The following NF1 variants were observed in gnomAD, a reference collection of about 807,000 sequenced individuals.
NF1 encodes the protein neurofibromin 1.
In NF1, 122 loss-of-function variants were observed where a neutral mutation model predicts 325.7. The observed-to-expected ratio is 0.37, with a 90% CI of 0.32 to 0.44. The LOEUF (loss-of-function observed/expected upper bound fraction) is 0.44, where lower values mean the gene tolerates loss of function less well. NF1 is among the 20% of genes least tolerant of loss of function. The pLI is 1.00. For synonymous variants in NF1, 1,091 were observed against 1,186.0 expected (o/e 0.92, Z 1.65); for missense variants, 2,140 against 3,415.4 (o/e 0.63, Z 9.31).
chr17:31,245,908 G>A (rs1046501144), intron 29 of NF1, among the ~76,000 whole-genome samples: 5 of 152,024 alleles, frequency 3.3e-5, no homozygotes, highest in African/African-American at 1.2e-4. Context: ...CCCTCTAATC[G>A]AAACTTGGTC....
At chr17:31,214,338 A>G in intron 12 of NF1, 113 bp from the exon 13 acceptor site, 1 of 722,122 alleles carries the variant, frequency 1.4e-6, no homozygotes, top group East Asian at 2.7e-5. Flanking sequence ...CACATTTGGT[A>G]GTATAAAAAA....
intron 1 of NF1, among the ~76,000 whole-genome samples, chr17:31,143,249 A>G (rs1916356317): frequency 1.3e-5 from 2 of 151,784 alleles, no homozygotes; most frequent in South Asian, 2.1e-4. Flanking sequence ...AATCACACAC[A>G]CACACTCACA....
intron 20 of NF1, among the ~76,000 whole-genome samples, 176 bp downstream of exon 20, chr17:31,227,782 G>T (rs1404219647): frequency 1.3e-5 from 2 of 152,172 alleles, no homozygotes; most frequent in Non-Finnish European, 2.9e-5. Context: ...CTAGCTATGT[G>T]TGACTATTTA....
chr17:31,275,620 G>A (rs1006962083), intron 36 of NF1, among the ~76,000 whole-genome samples: 2 of 152,130 alleles, frequency 1.3e-5, no homozygotes, highest in Admixed American at 1.3e-4. Flanking sequence ...ATCCCTGAGG[G>A]GTCTTGGAAC....
intron 29 of NF1, among the ~76,000 whole-genome samples, chr17:31,236,501 G>A (rs1338807759): frequency 1.3e-5 from 2 of 152,026 alleles, no homozygotes. Context: ...GTGCACTGGC[G>A]CAGTCTCGGC....
intron 8 of NF1, among the ~76,000 whole-genome samples, chr17:31,196,948 C>G (rs957627833): frequency 6.6e-6 from 1 of 152,072 alleles, no homozygotes; most frequent in Non-Finnish European, 1.5e-5. Flanking sequence ...AGTAAGTTTT[C>G]AAATAAGAAA....
At chr17:31,236,158 CA>C (rs2067200589) in intron 29 of NF1, 137 bp downstream of exon 29, 2 of 652,432 alleles carry the variant, frequency 3.1e-6, no homozygotes, top group Non-Finnish European at 2.7e-6. Context: ...AAGTTATATA[CA>C]AATACACGTT....
chr17:31,188,845 C>G (rs919265284), intron 8 of NF1, among the ~76,000 whole-genome samples: 1 of 152,170 alleles, frequency 6.6e-6, no homozygotes, highest in Non-Finnish European at 1.5e-5. Flanking sequence ...TGCCCTCCAG[C>G]GTCGGTCTTC....
intron 55 of NF1, 143 bp downstream of exon 55, chr17:31,358,765 A>G: frequency 8.2e-7 from 1 of 1,222,478 alleles, no homozygotes; most frequent in East Asian, 2.5e-5. Flanking sequence ...TACTCTCTCA[A>G]CTGTATGTCC....
intron 48 of NF1, chr17:31,345,642 G>T (rs1156828833): frequency 6.2e-7 from 1 of 1,613,944 alleles, no homozygotes; most frequent in Non-Finnish European, 8.5e-7. Context: ...CTTCTTGCGG[G>T]AGAACATCAA....
chr17:31,232,043 ATTTTTTTTTTT>A lies in NF1; in HGVS notation c.3198-14_3198-4del, dbSNP rs371047262. ...AACTTGAAAGATTCATGGTCTCTAAATTTTTTTTTTTTTTTTTTTTTTTTTTCAGAGATTTG... is the reference window on the plus strand; with the variant it reads ...AACTTGAAAGATTCATGGTCTCTAAATTTTTTTTTTTTTTTCAGAGATTTG... On this transcript the variant is annotated intron_variant, in intron 24 of 57. Coordinates refer to ENST00000358273, the MANE Select transcript of NF1 (RefSeq NM_001042492.3). The A allele has an allele frequency of 6.4e-5, 38 of 589,918 alleles. No individual in the cohort carries two copies. In the Middle Eastern group the frequency reaches 2.2e-3, roughly 33 times the overall value. 36.5% of individuals were successfully genotyped at this position (589,918 alleles called of 1,614,324 possible). A position where few individuals can be genotyped will look rare whatever the true frequency, so the allele number is the denominator to read the frequency against.
intron 1 of NF1, among the ~76,000 whole-genome samples, chr17:31,098,897 A>G (rs1912034924): frequency 7.0e-6 from 1 of 142,664 alleles, no homozygotes. Flanking sequence ...GCGCCACTGC[A>G]CTCCAGCCTG....
At chr17:31,349,331 T>G in intron 49 of NF1, 80 bp downstream of exon 49, 1 of 1,472,000 alleles carries the variant, frequency 6.8e-7, no homozygotes, top group Non-Finnish European at 9.3e-7. Flanking sequence ...TACCTATAGG[T>G]TTTTTGGCGG....
intron 36 of NF1, chr17:31,296,604 C>T: frequency 2.3e-6 from 1 of 443,578 alleles, no homozygotes. Context: ...CCCCCCTTTT[C>T]TAACCATATT....
At chr17:31,248,433 C>A (rs1414053889) in intron 29 of NF1, among the ~76,000 whole-genome samples, 1 of 152,132 alleles carries the variant, frequency 6.6e-6, no homozygotes, top group Non-Finnish European at 1.5e-5. Flanking sequence ...CGTGCATGTG[C>A]AGCCTGAGTA....
chr17:31,295,165 A>G, intron 36 of NF1: 1 of 1,614,140 alleles, frequency 6.2e-7, no homozygotes, highest in South Asian at 1.1e-5. Flanking sequence ...TTTCAGAGAA[A>G]TTATTTGGCA....
intron 1 of NF1, among the ~76,000 whole-genome samples, chr17:31,138,705 T>C (rs1189476413): frequency 6.6e-6 from 1 of 151,648 alleles, no homozygotes; most frequent in Non-Finnish European, 1.5e-5. Flanking sequence ...GCAATTCTTC[T>C]GCCTCAGCCT....
At chr17:31,294,975 G>A in intron 36 of NF1, 23 of 1,613,740 alleles carry the variant, frequency 1.4e-5, no homozygotes, top group Non-Finnish European at 1.9e-5. Flanking sequence ...CATCAGGGAG[G>A]AGTGCTTTCA....
chr17:31,313,720 ATATGTGTG>A lies in NF1; in HGVS notation c.4836-12098_4836-12091del, dbSNP rs779199769. Among the ~76,000 whole-genome samples, 514 of 101,238 alleles carry A rather than the reference ATATGTGTG, an allele frequency of 5.1e-3. 5 individuals are homozygous for A. The highest frequency in any genetic ancestry group is 0.018 in the African/African-American group (480 of 26,706). The allele number at this position is 101,238 out of a possible 152,430, so 66.4% of individuals were successfully genotyped here. The stretch of plus-strand genomic sequence containing the variant: ...GACTCTATCTCAAAAAAAAAAAAAA[ATATGTGTG>A]TGTGTGTGTGTGTGTGTGTGTGTGT... On this transcript the variant is annotated intron_variant, in intron 36 of 57. Transcript: ENST00000358273.
Sources: allele counts gnomAD v4.1 joint callset (sites outside exome capture counted in the v4.1 genomes callset), GRCh38; gene constraint gnomAD v4.1.1; transcripts MANE v1.5; gene names NCBI Gene and HGNC (gene_info 2026-07-23, HGNC 2026-07-21).